SIPA1L1: variants seen among roughly 807,000 people sequenced by gnomAD.
The protein encoded by SIPA1L1 is signal induced proliferation associated 1 like 1, also known as signal-induced proliferation-associated 1-like protein 1.
Under a neutral mutation model 162.7 loss-of-function variants are expected in SIPA1L1, and 26 were observed. The ratio of observed to expected loss-of-function variants is 0.16; its 90% CI spans 0.12 to 0.22. SIPA1L1 has a LOEUF of 0.22. Ranked by LOEUF, SIPA1L1 falls within the 10% of genes least tolerant of loss-of-function variation. The pLI is 1.00. For synonymous variants in SIPA1L1, 829 were observed against 837.4 expected (o/e 0.99, Z 0.17); for missense variants, 1,874 against 2,241.0 (o/e 0.84, Z 3.31).
chr14:71,705,440 G>A (rs897557816), intron 16 of SIPA1L1, 100 bp downstream of exon 16: 1 of 897,504 alleles, frequency 1.1e-6, no homozygotes, highest in Non-Finnish European at 1.8e-6. Context: ...GGCCAAAGAG[G>A]AAATCATTCT....
chr14:71,382,673 G>A (rs1206158686), intron 2 of SIPA1L1, among the ~76,000 whole-genome samples: 1 of 152,000 alleles, frequency 6.6e-6, no homozygotes, highest in Non-Finnish European at 1.5e-5. Context: ...TTTGTAATTA[G>A]GATGAATTGC....
intron 4 of SIPA1L1, among the ~76,000 whole-genome samples, chr14:71,535,799 G>A (rs866683658): frequency 6.6e-6 from 1 of 151,894 alleles, no homozygotes; most frequent in Admixed American, 6.6e-5. Context: ...TAGTAGACAA[G>A]GGGTTTCACC....
chr14:71,492,047 C>T (rs1459116440), intron 2 of SIPA1L1, among the ~76,000 whole-genome samples: 1 of 152,148 alleles, frequency 6.6e-6, no homozygotes, highest in Non-Finnish European at 1.5e-5. Flanking sequence ...TGGCGAGGCA[C>T]CACGGTAGCT....
intron 4 of SIPA1L1, among the ~76,000 whole-genome samples, chr14:71,544,085 G>A (rs141645073): frequency 5.4e-5 from 8 of 148,538 alleles, no homozygotes; most frequent in Non-Finnish European, 8.9e-5. Flanking sequence ...GCACATGTAT[G>A]TATATACACA....
At chr14:71,647,129 C>T (rs74866127) in intron 7 of SIPA1L1, among the ~76,000 whole-genome samples, 2,726 of 152,238 alleles carry the variant, frequency 0.018, 38 homozygotes, top group Non-Finnish European at 0.026. Flanking sequence ...AATCAAGATA[C>T]AGTCACATTG....
At chr14:71,681,820 G>A (rs1248717010) in intron 12 of SIPA1L1, among the ~76,000 whole-genome samples, 1 of 152,142 alleles carries the variant, frequency 6.6e-6, no homozygotes, top group Non-Finnish European at 1.5e-5. Flanking sequence ...AGAGAGTTAT[G>A]AGAAATAAAA....
intron 7 of SIPA1L1, among the ~76,000 whole-genome samples, chr14:71,626,814 T>C (rs545034081): frequency 2.5e-4 from 38 of 152,288 alleles, no homozygotes; most frequent in Admixed American, 8.5e-4. Flanking sequence ...ATAACCATGC[T>C]TTGTAAAAGA....
intron 5 of SIPA1L1, among the ~76,000 whole-genome samples, chr14:71,592,337 A>T (rs571289066): frequency 1.1e-3 from 174 of 152,356 alleles, no homozygotes; most frequent in African/African-American, 4.0e-3. Flanking sequence ...TAAACTGTAC[A>T]TTTTAAAAAT....
intron 2 of SIPA1L1, among the ~76,000 whole-genome samples, chr14:71,322,320 A>T (rs983747558): frequency 9.2e-5 from 14 of 152,224 alleles, no homozygotes; most frequent in Admixed American, 3.3e-4. Context: ...CTCTGACTGA[A>T]TCTTTTGGAA....
rs1220762662 is a variant in SIPA1L1, at chr14:71,590,041, AAAAATATATATAT to A, written c.1498+673_1498+685del. Among the ~76,000 whole-genome samples, 543 of 69,042 alleles carry A rather than the reference AAAAATATATATAT, an allele frequency of 7.9e-3. 1 individual carries two copies. Among genetic ancestry groups the A allele is most frequent in the African/African-American group, 0.034 (517 of 15,174 alleles). The allele number at this position is 69,042 out of a possible 152,430, so 45.3% of individuals were successfully genotyped here. ...GAGAGTAAAAAAAAAAAAAAAAAAA[AAAAATATATATAT>A]ATATATATATATATATATATATGTA... On this transcript the variant is annotated intron_variant, in intron 5 of 23. Transcript: ENST00000381232.
chr14:71,364,758 T>G (rs1354775107), intron 2 of SIPA1L1, among the ~76,000 whole-genome samples: 2 of 152,122 alleles, frequency 1.3e-5, no homozygotes, highest in Non-Finnish European at 2.9e-5. Flanking sequence ...ATTTTTTTTT[T>G]TTTTTGAGAC....
intron 4 of SIPA1L1, 83 bp from the exon 5 acceptor site, chr14:71,587,488 C>G: frequency 2.5e-6 from 1 of 400,844 alleles, no homozygotes; most frequent in East Asian, 3.6e-5. Flanking sequence ...AGTCTTTTAT[C>G]TTCATGTGTC....
At chr14:71,530,248 G>T (rs1436375411) in intron 4 of SIPA1L1, among the ~76,000 whole-genome samples, 1 of 152,124 alleles carries the variant, frequency 6.6e-6, no homozygotes, top group African/African-American at 2.4e-5. Flanking sequence ...TGTTGGTGTT[G>T]ACTGGCATAC....
intron 2 of SIPA1L1, among the ~76,000 whole-genome samples, chr14:71,381,392 C>G (rs1243656449): frequency 6.6e-6 from 1 of 152,036 alleles, no homozygotes; most frequent in Non-Finnish European, 1.5e-5. Flanking sequence ...CCCCCTCACC[C>G]CGCCCTTCAT....
chr14:71,685,690 G>A, intron 13 of SIPA1L1, 59 bp downstream of exon 13: 1 of 1,589,648 alleles, frequency 6.3e-7, no homozygotes, highest in Non-Finnish European at 8.6e-7. Flanking sequence ...AAGTAACACA[G>A]ACCCATAAGC....
chr14:71,674,563 T>G (rs530384988), intron 12 of SIPA1L1, among the ~76,000 whole-genome samples: 4 of 149,606 alleles, frequency 2.7e-5, no homozygotes, highest in African/African-American at 1.0e-4. Context: ...TTTTTTTGTT[T>G]TTTTTTGTTT....
chr14:71,526,266 A>G (rs1416668220), intron 3 of SIPA1L1, among the ~76,000 whole-genome samples: 1 of 152,222 alleles, frequency 6.6e-6, no homozygotes, highest in Non-Finnish European at 1.5e-5. Flanking sequence ...CAAATTGAAC[A>G]TAGTCGTGAA....
chr14:71,607,710 G>A (rs35958404), intron 5 of SIPA1L1, among the ~76,000 whole-genome samples: 65,791 of 152,006 alleles, frequency 0.43, 14,935 homozygotes, highest in Admixed American at 0.52. Flanking sequence ...TTCTGAGACA[G>A]CTTCTAAGAC....
chr14:71,543,927 G>T (rs939887195), intron 4 of SIPA1L1, among the ~76,000 whole-genome samples: 1 of 129,008 alleles, frequency 7.8e-6, no homozygotes, highest in Non-Finnish European at 1.7e-5. Flanking sequence ...TATATCATAC[G>T]TATATGTGTG....
Sources: gnomAD v4.1 joint callset for allele counts (sites outside exome capture counted in the v4.1 genomes callset) on GRCh38, gnomAD v4.1.1 for gene constraint, MANE v1.5 for transcripts, NCBI Gene and HGNC (gene_info 2026-07-23, HGNC 2026-07-21) for gene names.